The following DDX55 variants were observed in gnomAD, a reference collection of about 807,000 sequenced individuals.
DDX55 encodes DEAD-box helicase 55.
Under a neutral mutation model 69.2 loss-of-function variants are expected in DDX55, and 56 were observed. The ratio of observed to expected loss-of-function variants is 0.81; its 90% CI spans 0.65 to 1.01. The LOEUF is 1.01. Ranked by LOEUF, DDX55 falls within the 50% of genes least tolerant of loss-of-function variation. The probability of loss-of-function intolerance (pLI) is 0.00; values close to 1 mark genes in which losing one functional copy is unlikely to be tolerated. For missense variants in DDX55, 720 were observed against 745.1 expected, an observed-to-expected ratio of 0.97 and a Z score of 0.39; for synonymous variants, 268 against 273.1, an observed-to-expected ratio of 0.98 and a Z score of 0.18.
At chr12:123,615,618 G>A (rs1295491362) in intron 9 of DDX55, among the ~76,000 whole-genome samples, 6 of 152,176 alleles carry the variant, frequency 3.9e-5, no homozygotes, top group African/African-American at 9.7e-5. Context: ...CCCTGTGCCC[G>A]GTCCAGGGAA....
At chr12:123,619,239 G>A (rs1309362267) in intron 12 of DDX55, among the ~76,000 whole-genome samples, 193 bp from the exon 13 acceptor site, 3 of 152,156 alleles carry the variant, frequency 2.0e-5, no homozygotes, top group East Asian at 1.9e-4. Flanking sequence ...TCCTGACCTC[G>A]TGATCCGCCC....
chr12:123,608,538 C>T (rs1442819581), intron 5 of DDX55, 142 bp from the exon 6 acceptor site: 2 of 963,894 alleles, frequency 2.1e-6, no homozygotes, highest in Non-Finnish European at 3.1e-6. Flanking sequence ...TACCCTGCAG[C>T]ACTCTTCTAC....
At chr12:123,608,916 T>A in intron 6 of DDX55, 87 bp downstream of exon 6, 2 of 1,173,854 alleles carry the variant, frequency 1.7e-6, no homozygotes, top group South Asian at 2.3e-5. Flanking sequence ...GTTTCATGAC[T>A]AGGTATTTTT....
intron 1 of DDX55, 135 bp downstream of exon 1, chr12:123,602,391 C>T (rs988278884): frequency 3.4e-5 from 29 of 850,634 alleles, no homozygotes; most frequent in African/African-American, 1.8e-5. Context: ...TGCCTTGTCT[C>T]CAGCTGCCCA....
intron 9 of DDX55, 128 bp downstream of exon 9, chr12:123,615,444 T>C (rs2135730661): frequency 7.5e-7 from 1 of 1,338,646 alleles, no homozygotes; most frequent in East Asian, 2.6e-5. Context: ...CCCTCTTCCC[T>C]CTCTAATCTG....
chr12:123,616,563 G>A lies in DDX55; in HGVS notation c.1009G>A (p.Val337Ile). ...VMARGIDIPE[V>I]NWVLQYDPPS... ...GGCCCGGGGAATTGATATTCCTGAA[G>A]TCAACTGGGTTTTGCAGTATGACCC... Residue 337 changes from valine (V) to isoleucine (I), a missense_variant, in exon 10 of 14, where the codon GTC becomes ATC. Val to Ile is a conservative substitution (Grantham distance 29). Transcript: ENST00000238146. 2.5e-6 allele frequency: 4 copies of A among 1,614,136 alleles called. No individual in the cohort carries two copies. The highest frequency in any genetic ancestry group is 3.4e-6 in the Non-Finnish European group (4 of 1,180,030).
rs778130500 is a variant in DDX55, at chr12:123,607,476, A to G, written c.291A>G (p.Gln97=). 32 of 1,614,010 alleles carry G rather than the reference A, an allele frequency of 2.0e-5. No individual in the cohort carries two copies. The highest frequency in any genetic ancestry group is 2.5e-5 in the Non-Finnish European group (29 of 1,180,026). The change falls in exon 4 of 14, where the codon CAA becomes CAG. Residue 97 remains glutamine, a synonymous_variant. Coordinates refer to ENST00000238146, the MANE Select transcript of DDX55 (RefSeq NM_020936.3). ...IITPTRELAI[Q]IDEVLSHFTK... ...CCCCCACTCGAGAGCTGGCCATTCA[A>G]ATAGACGAGGTCCTGTCGCATTTCA...
chr12:123,618,099 C>T, intron 11 of DDX55: 2 of 469,734 alleles, frequency 4.3e-6, no homozygotes, highest in Non-Finnish European at 3.9e-6. Context: ...TCACCGCAAC[C>T]TCCACCTCCC....
rs1955059112 is a variant in DDX55, at chr12:123,620,585, TA to T, written c.*446del. On this transcript the variant is annotated 3_prime_UTR_variant, in exon 14 of 14. Coordinates refer to ENST00000238146, the MANE Select transcript of DDX55 (RefSeq NM_020936.3). ...CATATAGACATATGTACATATTATA[TA>T]TATATATATATATATATATATATAT... is the stretch of plus-strand genomic sequence containing the variant. The T allele has an allele frequency of 1.1e-4, 4 of 35,956 alleles. No individual in the cohort carries two copies. In the South Asian group the frequency reaches 2.9e-3, roughly 26 times the overall value. 2.2% of individuals were successfully genotyped at this position (35,956 alleles called of 1,614,324 possible). A position where few individuals can be genotyped will look rare whatever the true frequency, so the allele number is the denominator to read the frequency against.
In DDX55 at chr12:123,605,953, T is replaced by G; in HGVS notation, c.131T>G (p.Met44Arg). Residue 44 changes from methionine (M) to arginine (R), a missense_variant, in exon 2 of 14, where the codon ATG (methionine) becomes AGG (arginine). Physicochemically the swap from Met to Arg is moderately conservative, Grantham distance 91. Transcript: ENST00000238146. ...TAGTCCGCAACCATCCCTCTGTTCATGCGAAACAAAGATGTCGCTGCAGAA... is the reference window on the plus strand; with the variant it reads ...TAGTCCGCAACCATCCCTCTGTTCAGGCGAAACAAAGATGTCGCTGCAGAA... ...PVQSATIPLF[M>R]RNKDVAAEAV... 2.5e-6 allele frequency: 4 copies of G among 1,614,148 alleles called. No homozygotes were observed. Among genetic ancestry groups the G allele is most frequent in the Non-Finnish European group, 3.4e-6 (4 of 1,180,006 alleles).
rs1404876120 is a variant in DDX55 at position 123,610,881 on chromosome 12, C to T, written c.741+753C>T. ...CTGGGATTACAGGTGTGAGCCACCG[C>T]GCCCGGCCGTTTTTTTTTGTTTGTT... On this transcript the variant is annotated intron_variant, in intron 7 of 13. Transcript: ENST00000238146. Among the ~76,000 whole-genome samples the T allele has an allele frequency of 1.6e-4, 23 of 142,208 alleles. 1 individual carries two copies. The highest frequency in any genetic ancestry group is 3.2e-4 in the African/African-American group (12 of 37,190). The allele number at this position is 142,208 out of a possible 152,430, so 93.3% of individuals were successfully genotyped here.
chr12:123,618,946 A>G lies in DDX55; in HGVS notation c.1333+109A>G, dbSNP rs563991605. On this transcript the variant is annotated intron_variant, in intron 12 of 13. Transcript: ENST00000238146. ...AAGGAAGTGTTCCCAGGTTTTGAGT[A>G]GACACAGAATAAACTGGCCACTGGC... 5.2e-5 allele frequency: 78 copies of G among 1,490,576 alleles called. No homozygotes were observed. The African/African-American group carries it at 9.9e-4, about 19-fold the overall frequency. The allele number at this position is 1,490,576 out of a possible 1,614,324, so 92.3% of individuals were successfully genotyped here. A position where few individuals can be genotyped will look rare whatever the true frequency, so the allele number is the denominator to read the frequency against.
rs775733181 is a variant in DDX55, at chr12:123,618,746, CAG to C, written c.1245_1246del (p.Arg415SerfsTer4). The C allele has an allele frequency of 1.2e-5, 20 of 1,614,102 alleles. No homozygotes were observed. Among genetic ancestry groups the C allele is most frequent in the Non-Finnish European group, 1.6e-5 (19 of 1,180,028 alleles). The part of the protein sequence containing the change: ...PKLKSMALAD[R>X]AVFEKGMKAF... ...AACTCAAGTCCATGGCCCTGGCTGA[CAG>C]AGCTGTGTTTGAAAAGGGCATGAAA... On this transcript the variant is annotated frameshift_variant, in exon 12 of 14. Coordinates refer to ENST00000238146, the MANE Select transcript of DDX55 (RefSeq NM_020936.3). LOFTEE classifies it high-confidence loss of function.
At chr12:123,609,851 T>C in intron 6 of DDX55, 88 bp from the exon 7 acceptor site, 1 of 1,472,448 alleles carries the variant, frequency 6.8e-7, no homozygotes, top group South Asian at 1.4e-5. Context: ...ACTTTCAGTC[T>C]TTTTGAATAC....
rs1224848015 is a variant in DDX55, at chr12:123,607,610, T to G, written c.349T>G (p.Trp117Gly). 1 of 1,614,074 alleles carries G rather than the reference T, an allele frequency of 6.2e-7. No individual in the cohort carries two copies. The highest frequency in any genetic ancestry group is 8.5e-7 in the Non-Finnish European group (1 of 1,180,052). ...KHFPEFSQIL[W>G]IGGRNPGEDV... ...GTTTTCTTGTTGTAGCCAGATTCTT[T>G]GGATCGGAGGCAGGAATCCTGGAGA... is the stretch of plus-strand genomic sequence containing the variant. The change falls in exon 5 of 14, where the codon TGG (tryptophan) becomes GGG (glycine). Residue 117 changes from tryptophan (W) to glycine (G), a missense_variant. Transcript: ENST00000238146.
chr12:123,603,150 C>G (rs959267112), intron 1 of DDX55, among the ~76,000 whole-genome samples: 8 of 152,052 alleles, frequency 5.3e-5, no homozygotes, highest in Admixed American at 5.2e-4. Flanking sequence ...GCCATCTTAT[C>G]TGGGAGGATG....
At chr12:123,612,761 C>T (rs1377390810) in intron 7 of DDX55, among the ~76,000 whole-genome samples, 2 of 149,486 alleles carry the variant, frequency 1.3e-5, no homozygotes, top group Admixed American at 6.7e-5. Context: ...GTGGGAGGAT[C>T]GCCGGATGCC....
intron 7 of DDX55, among the ~76,000 whole-genome samples, chr12:123,611,251 C>T (rs1954219111): frequency 6.6e-6 from 1 of 152,214 alleles, no homozygotes; most frequent in Admixed American, 6.5e-5. Flanking sequence ...TCTGTAGTTT[C>T]TTCACAAAGA....
intron 7 of DDX55, among the ~76,000 whole-genome samples, chr12:123,612,191 A>G (rs1187662328): frequency 1.3e-5 from 2 of 152,220 alleles, no homozygotes; most frequent in Non-Finnish European, 2.9e-5. Flanking sequence ...TGGTAAGTAT[A>G]GTGCAGCTAT....
Sources: allele counts gnomAD v4.1 joint callset (sites outside exome capture counted in the v4.1 genomes callset), GRCh38; gene constraint gnomAD v4.1.1; transcripts MANE v1.5; gene names NCBI Gene and HGNC (gene_info 2026-07-23, HGNC 2026-07-21).